STAG1: variants seen among roughly 807,000 people sequenced by gnomAD.
STAG1 encodes the protein cohesin subunit SA-1.
In STAG1, 26 loss-of-function variants were observed where a neutral mutation model predicts 170.9. The ratio of observed to expected loss-of-function variants is 0.15; its 90% CI spans 0.11 to 0.21. The LOEUF is 0.21. Ranked by LOEUF, STAG1 falls within the 10% of genes least tolerant of loss-of-function variation. The probability of loss-of-function intolerance (pLI) is 1.00; values close to 1 mark genes in which losing one functional copy is unlikely to be tolerated. For missense variants in STAG1, 964 were observed against 1,509.5 expected (o/e 0.64, Z 5.99); for synonymous variants, 514 against 497.7 (o/e 1.03, Z -0.44).
chr3:136,349,681 T>C (rs1355565723), intron 28 of STAG1, among the ~76,000 whole-genome samples: 3 of 152,218 alleles, frequency 2.0e-5, no homozygotes, highest in South Asian at 2.1e-4. Flanking sequence ...AAAAAGATTA[T>C]TGAGTTTTCT....
At chr3:136,524,789 A>G (rs1457925217) in intron 6 of STAG1, among the ~76,000 whole-genome samples, 4 of 151,762 alleles carry the variant, frequency 2.6e-5, no homozygotes, top group Non-Finnish European at 5.9e-5. Flanking sequence ...TAATTTATTG[A>G]GAGTTTTTAG....
chr3:136,562,363 C>T (rs1283871841), intron 5 of STAG1, among the ~76,000 whole-genome samples: 3 of 150,744 alleles, frequency 2.0e-5, no homozygotes, highest in Non-Finnish European at 4.4e-5. Flanking sequence ...TGGGCTCACG[C>T]GATTCTCCTG....
At chr3:136,475,988 T>G (rs2089739967) in intron 10 of STAG1, among the ~76,000 whole-genome samples, 1 of 152,194 alleles carries the variant, frequency 6.6e-6, no homozygotes, top group African/African-American at 2.4e-5. Flanking sequence ...GGCAAGTCTC[T>G]TATGTCAAAA....
chr3:136,630,946 C>T lies in STAG1; in HGVS notation c.-48G>A. 6.6e-7 allele frequency: 1 copy of T among 1,505,270 alleles called. No individual in the cohort carries two copies. Among genetic ancestry groups the T allele is most frequent in the South Asian group, 1.3e-5 (1 of 75,166 alleles). The allele number at this position is 1,505,270 out of a possible 1,614,324, so 93.2% of individuals were successfully genotyped here. ...TGCAGCAAAATAATCAAGTGCTGTA[C>T]AACTCAAAACTTTTAAAATAACCTC... On this transcript the variant is annotated 5_prime_UTR_variant, in exon 2 of 34. Coordinates refer to ENST00000383202, the MANE Select transcript of STAG1 (RefSeq NM_005862.3).
chr3:136,716,509 G>A (rs754850766), intron 1 of STAG1, among the ~76,000 whole-genome samples: 1 of 152,062 alleles, frequency 6.6e-6, no homozygotes, highest in South Asian at 2.1e-4. Context: ...TGCCAGGCAC[G>A]CTGGCTCATG....
At chr3:136,559,100 T>G (rs1285708016) in intron 5 of STAG1, among the ~76,000 whole-genome samples, 1 of 150,600 alleles carries the variant, frequency 6.6e-6, no homozygotes, top group Non-Finnish European at 1.5e-5. Flanking sequence ...TTTAAAAGGA[T>G]TTAAGAAAGA....
At chr3:136,731,019 T>C (rs376533443) in intron 1 of STAG1, among the ~76,000 whole-genome samples, 49 of 152,324 alleles carry the variant, frequency 3.2e-4, no homozygotes, top group African/African-American at 9.9e-4. Flanking sequence ...ACCATGGTGC[T>C]AGGACCACAC....
rs1576425813 is a variant in STAG1, at chr3:136,397,209, T to C, written c.2277+1540A>G. On this transcript the variant is annotated intron_variant, in intron 22 of 33. Coordinates refer to ENST00000383202, the MANE Select transcript of STAG1 (RefSeq NM_005862.3). ...AGTCATGTTCAGGCCTCTCATTACA[T>C]GAAATAACTGAAACATTTATATTTG... Among the ~76,000 whole-genome samples the C allele has an allele frequency of 1.3e-5, 2 of 152,348 alleles. 1 individual carries two copies. The highest frequency in any genetic ancestry group is 4.1e-4 in the South Asian group (2 of 4,828).
chr3:136,338,615 AAAAC>A (rs969224438), intron 32 of STAG1, among the ~76,000 whole-genome samples, 165 bp from the exon 33 acceptor site: 105 of 152,360 alleles, frequency 6.9e-4, no homozygotes, highest in African/African-American at 2.0e-3. Context: ...AGATTTTTTA[AAAAC>A]AAACAGTACT....
intron 28 of STAG1, 72 bp from the exon 29 acceptor site, chr3:136,349,435 G>T: frequency 8.7e-7 from 1 of 1,150,176 alleles, no homozygotes; most frequent in Admixed American, 1.8e-5. Flanking sequence ...TTCTTAATCT[G>T]AGGCTCTCTT....
intron 3 of STAG1, among the ~76,000 whole-genome samples, chr3:136,608,596 CT>C (rs1482555246): frequency 6.7e-6 from 1 of 148,450 alleles, no homozygotes; most frequent in Non-Finnish European, 1.5e-5. Context: ...GGGAGGATGA[CT>C]TGATCCCAGG....
intron 6 of STAG1, among the ~76,000 whole-genome samples, chr3:136,522,941 G>A (rs796320232): frequency 1.4e-4 from 21 of 152,160 alleles, no homozygotes; most frequent in African/African-American, 5.1e-4. Context: ...GTGTATATGT[G>A]CCATATTTTC....
At chr3:136,597,661 T>C (rs1018615890) in intron 4 of STAG1, among the ~76,000 whole-genome samples, 1 of 152,226 alleles carries the variant, frequency 6.6e-6, no homozygotes, top group African/African-American at 2.4e-5. Flanking sequence ...TTAAACTTTC[T>C]ATCCAGGAAC....
At chr3:136,511,600 A>G (rs1209153795) in intron 7 of STAG1, among the ~76,000 whole-genome samples, 4 of 152,194 alleles carry the variant, frequency 2.6e-5, no homozygotes, top group African/African-American at 4.8e-5. Context: ...AAACGATGAG[A>G]AAGCATGAAC....
At chr3:136,415,696 CGTG>C (rs2087751542) in intron 21 of STAG1, among the ~76,000 whole-genome samples, 1 of 152,080 alleles carries the variant, frequency 6.6e-6, no homozygotes, top group African/African-American at 2.4e-5. Context: ...ATTAGCCCAG[CGTG>C]GTGACGCAGC....
intron 21 of STAG1, among the ~76,000 whole-genome samples, chr3:136,403,200 C>G (rs2087381114): frequency 8.0e-6 from 1 of 125,716 alleles, no homozygotes; most frequent in African/African-American, 3.2e-5. Flanking sequence ...GCACTCTAGC[C>G]TGGGCGACAG....
chr3:136,620,580 G>A (rs1205899033), intron 3 of STAG1, among the ~76,000 whole-genome samples: 1 of 152,176 alleles, frequency 6.6e-6, no homozygotes, highest in Non-Finnish European at 1.5e-5. Context: ...CATAACACTA[G>A]TGTGAGGATT....
At chr3:136,590,554 A>G (rs1938114090) in intron 4 of STAG1, among the ~76,000 whole-genome samples, 1 of 152,070 alleles carries the variant, frequency 6.6e-6, no homozygotes, top group Non-Finnish European at 1.5e-5. Flanking sequence ...AATGCAGCTT[A>G]TATTTAGCAC....
intron 4 of STAG1, among the ~76,000 whole-genome samples, chr3:136,600,784 G>T (rs1194742360): frequency 6.6e-6 from 1 of 151,882 alleles, no homozygotes; most frequent in East Asian, 1.9e-4. Flanking sequence ...CTGCCCGCCT[G>T]GGCCTCCCAA....
Sources: gnomAD v4.1 joint callset for allele counts (sites outside exome capture counted in the v4.1 genomes callset) on GRCh38, gnomAD v4.1.1 for gene constraint, MANE v1.5 for transcripts, NCBI Gene and HGNC (gene_info 2026-07-23, HGNC 2026-07-21) for gene names.